The following ZFHX3 variants were observed in gnomAD, a reference collection of about 807,000 sequenced individuals.
The protein encoded by ZFHX3 is zinc finger homeobox protein 3.
Under a neutral mutation model 279.1 loss-of-function variants are expected in ZFHX3, and 42 were observed. That is an observed-to-expected ratio of 0.15 (90% confidence interval 0.12 to 0.19). The LOEUF (loss-of-function observed/expected upper bound fraction) is 0.19, where lower values mean the gene tolerates loss of function less well. ZFHX3 is among the 10% of genes least tolerant of loss of function. The probability of loss-of-function intolerance (pLI) is 1.00; values close to 1 mark genes in which losing one functional copy is unlikely to be tolerated. For synonymous variants in ZFHX3, 2,293 were observed against 1,957.8 expected, an observed-to-expected ratio of 1.17 and a Z score of -4.52; for missense variants, 4,981 against 4,754.0, an observed-to-expected ratio of 1.05 and a Z score of -1.40.
At chr16:73,433,526 A>G (rs2017945124) in intron 3 of ZFHX3, among the ~76,000 whole-genome samples, 1 of 152,150 alleles carries the variant, frequency 6.6e-6, no homozygotes, top group Admixed American at 6.5e-5. Context: ...AATCCACTTG[A>G]TAAGGCCCCT....
chr16:73,235,237 TC>T (rs1567425912), intron 5 of ZFHX3, among the ~76,000 whole-genome samples: 1 of 151,850 alleles, frequency 6.6e-6, no homozygotes, highest in Non-Finnish European at 1.5e-5. Flanking sequence ...GCCTGGCAAA[TC>T]TTTTGTATTT....
chr16:72,943,053 G>A (rs1181177381), intron 3 of ZFHX3, among the ~76,000 whole-genome samples: 2 of 152,116 alleles, frequency 1.3e-5, no homozygotes, highest in Non-Finnish European at 1.5e-5. Context: ...TAAATCTGTG[G>A]ATCATTCACA....
At chr16:72,863,712 A>G (rs76207797) in intron 4 of ZFHX3, among the ~76,000 whole-genome samples, 22,929 of 151,268 alleles carry the variant, frequency 0.15, 4,313 homozygotes, top group African/African-American at 0.4. Flanking sequence ...GCTGGTTCAT[A>G]CTCTACTTGT....
At chr16:72,907,892 C>T (rs1193984740) in intron 3 of ZFHX3, among the ~76,000 whole-genome samples, 1 of 152,014 alleles carries the variant, frequency 6.6e-6, no homozygotes, top group East Asian at 1.9e-4. Flanking sequence ...TCATCTTGAC[C>T]AGGCTGGTCT....
Position 72,796,378 on chromosome 16 carries a change from T to A in ZFHX3, c.6304A>T (p.Met2102Leu). Residue 2102 changes from methionine (M) to leucine (L), a missense_variant, in exon 9 of 10, where the codon ATG becomes TTG. Coordinates refer to ENST00000268489, the MANE Select transcript of ZFHX3 (RefSeq NM_006885.4). ...AAGGTCTGCAGCGGCATCGTCTGCATCATCAGCGGCGAGAAGATGGGCAGC... is the reference window on the plus strand; with the variant it reads ...AAGGTCTGCAGCGGCATCGTCTGCAACATCAGCGGCGAGAAGATGGGCAGC... ...MELPIFSPLM[M>L]QTMPLQTLPA... 1 of 1,613,574 alleles carries A rather than the reference T, an allele frequency of 6.2e-7. No homozygotes were observed. Among genetic ancestry groups the A allele is most frequent in the East Asian group, 2.2e-5 (1 of 44,838 alleles).
At chr16:73,284,837 G>A (rs989880419) in intron 4 of ZFHX3, among the ~76,000 whole-genome samples, 1 of 151,782 alleles carries the variant, frequency 6.6e-6, no homozygotes, top group African/African-American at 2.4e-5. Context: ...TTTTCCCAGG[G>A]TGCTTTGTTT....
chr16:73,790,880 A>G lies in ZFHX3; in HGVS notation c.-1608+100771T>C, dbSNP rs575127534. On this transcript the variant is annotated intron_variant, in intron 1 of 17. Transcript: ENST00000641206. The stretch of plus-strand genomic sequence containing the variant: ...AGTCAGAACTGGAACGTGCCCACAC[A>G]TTCCTCACCAGAGTAGAGCGGCTTC... Among the ~76,000 whole-genome samples the G allele has an allele frequency of 9.2e-5, 14 of 152,346 alleles. No homozygotes were observed. The South Asian group carries it at 2.9e-3, about 32-fold the overall frequency.
At chr16:73,685,297 T>A (rs1416768417) in intron 1 of ZFHX3, among the ~76,000 whole-genome samples, 1 of 152,162 alleles carries the variant, frequency 6.6e-6, no homozygotes, top group East Asian at 1.9e-4. Context: ...ATTACAGGCG[T>A]GAGCCACCAC....
At chr16:73,065,194 G>C (rs1170830263) in intron 8 of ZFHX3, among the ~76,000 whole-genome samples, 1 of 152,224 alleles carries the variant, frequency 6.6e-6, no homozygotes, top group East Asian at 1.9e-4. Flanking sequence ...TCTGCACATA[G>C]CCCTCCTGGG....
chr16:73,071,947 C>T (rs1009730692), intron 8 of ZFHX3, among the ~76,000 whole-genome samples: 13 of 152,318 alleles, frequency 8.5e-5, no homozygotes, highest in Admixed American at 8.5e-4. Context: ...GCTTCCACCT[C>T]CCACCCTAGG....
chr16:73,324,887 A>G (rs1471169161), intron 3 of ZFHX3, among the ~76,000 whole-genome samples: 1 of 152,222 alleles, frequency 6.6e-6, no homozygotes, highest in Admixed American at 6.5e-5. Flanking sequence ...CGGTTTTGTG[A>G]CAGCCCAGAG....
intron 3 of ZFHX3, among the ~76,000 whole-genome samples, chr16:72,939,293 T>C (rs968202416): frequency 1.3e-5 from 2 of 152,066 alleles, no homozygotes; most frequent in African/African-American, 4.8e-5. Flanking sequence ...AAACATCCGA[T>C]GCTGCTCAGA....
intron 2 of ZFHX3, among the ~76,000 whole-genome samples, chr16:73,468,583 A>C (rs556355302): frequency 1.3e-5 from 2 of 152,238 alleles, no homozygotes; most frequent in South Asian, 4.2e-4. Context: ...TAAAAATACA[A>C]AATATTAGCC....
chr16:73,220,710 C>T (rs1037663254), intron 5 of ZFHX3, among the ~76,000 whole-genome samples: 1 of 151,988 alleles, frequency 6.6e-6, no homozygotes, highest in Non-Finnish European at 1.5e-5. Context: ...CTTTGCTTGC[C>T]AAGGTAAGGG....
intron 5 of ZFHX3, among the ~76,000 whole-genome samples, chr16:73,183,083 T>A (rs1423429564): frequency 6.6e-6 from 1 of 152,096 alleles, no homozygotes; most frequent in Non-Finnish European, 1.5e-5. Flanking sequence ...TGGGCGCCTG[T>A]AGTCCCAGCT....
intron 5 of ZFHX3, among the ~76,000 whole-genome samples, chr16:73,222,702 T>C (rs2012462214): frequency 2.0e-5 from 3 of 152,258 alleles, no homozygotes; most frequent in Admixed American, 2.0e-4. Context: ...TCATTTTGTG[T>C]TTATTGACAA....
chr16:72,819,145 T>G (rs2143651770), intron 5 of ZFHX3, among the ~76,000 whole-genome samples: 1 of 152,296 alleles, frequency 6.6e-6, no homozygotes, highest in South Asian at 2.1e-4. Context: ...GTGTTACTTA[T>G]TAAGCAGTTT....
In ZFHX3 at chr16:73,388,141, C is replaced by T. The variant is rs16971897; in HGVS notation, c.-1291+67862G>A. On this transcript the variant is annotated intron_variant, in intron 3 of 17. Coordinates refer to the ZFHX3 transcript ENST00000641206. ...ATGCGGCAGGCTATTCTTGCCCTCT[C>T]CTTGGATGTGACAAAATGGCCACCA... Among the ~76,000 whole-genome samples, 236 of 152,224 alleles carry T rather than the reference C, an allele frequency of 1.6e-3. 4 individuals carry two copies. In the East Asian group the frequency reaches 0.042, roughly 27 times the overall value.
chr16:73,070,942 A>G (rs1344237301), intron 8 of ZFHX3, among the ~76,000 whole-genome samples: 113 of 10,968 alleles, frequency 0.01, no homozygotes, highest in Non-Finnish European at 0.027. Flanking sequence ...GCGCGCGCAC[A>G]CACACACACA....
Sources: allele counts gnomAD v4.1 joint callset (sites outside exome capture counted in the v4.1 genomes callset), GRCh38; gene constraint gnomAD v4.1.1; transcripts MANE v1.5; gene names NCBI Gene and HGNC (gene_info 2026-07-23, HGNC 2026-07-21).